Variants in EXOSC2 observed in about 807,000 individuals in gnomAD.
The protein encoded by EXOSC2 is exosome component 2, also known as exosome complex component RRP4.
A neutral mutation model predicts 37.6 loss-of-function variants in EXOSC2; 29 were observed. That is an observed-to-expected ratio of 0.77 (90% CI 0.57 to 1.05). The LOEUF is 1.05. Among genes scored for constraint, EXOSC2 ranks in the 50% least tolerant of loss-of-function variants. The pLI is 0.00. For missense variants in EXOSC2, 346 were observed against 365.6 expected, an observed-to-expected ratio of 0.95 and a Z score of 0.44; for synonymous variants, 119 against 131.1, an observed-to-expected ratio of 0.91 and a Z score of 0.63.
intron 7 of EXOSC2, among the ~76,000 whole-genome samples, chr9:130,702,840 G>T (rs2314064): frequency 3.3e-5 from 5 of 152,020 alleles, no homozygotes; most frequent in Non-Finnish European, 5.9e-5. Flanking sequence ...TGATCCACCC[G>T]CCTCGGCCTC....
At chr9:130,699,834 C>T (rs560407280) in intron 5 of EXOSC2, 1 of 159,798 alleles carries the variant, frequency 6.3e-6, no homozygotes. Flanking sequence ...AGACCCCCCT[C>T]TCTACAAAAA....
rs898948588 is a variant in EXOSC2 at position 130,694,432 on chromosome 9, G to A, written c.122+519G>A. Among the ~76,000 whole-genome samples, 4 of 152,210 alleles carry A rather than the reference G, an allele frequency of 2.6e-5. No homozygotes were observed. Among genetic ancestry groups the A allele is most frequent in the Non-Finnish European group, 5.9e-5 (4 of 68,044 alleles). On this transcript the variant is annotated intron_variant, in intron 1 of 8. Transcript: ENST00000372358. The surrounding 1 kb of genome is among the most constrained non-coding windows in gnomAD (Gnocchi z 4.0). ...AGAGGGAAGGCTCTTGAGTCAGACA[G>A]TTGGGGTTCCGGTCCTGCTACCATC...
rs1487426627 is a variant in EXOSC2 at position 130,703,804 on chromosome 9, A to G, written c.*30A>G. 6.4e-7 allele frequency: 1 copy of G among 1,566,536 alleles called. No individual in the cohort carries two copies. The highest frequency in any genetic ancestry group is 8.8e-7 in the Non-Finnish European group (1 of 1,139,960). On this transcript the variant is annotated 3_prime_UTR_variant, in exon 9 of 9. Transcript: ENST00000372358. ...GTGCTCCAGAAGCACGGGACTGTGG[A>G]CCTTGCAGGAGTGAAGACTGTGATG...
chr9:130,702,259 A>G lies in EXOSC2; in HGVS notation c.621A>G (p.Pro207=), dbSNP rs1272124496. 6.2e-7 allele frequency: 1 copy of G among 1,614,018 alleles called. No homozygotes were observed. The highest frequency in any genetic ancestry group is 1.3e-5 in the African/African-American group (1 of 74,910). Residue 207 remains proline, a synonymous_variant, in exon 7 of 9, where the codon CCA becomes CCG. Transcript: ENST00000372358. The stretch of plus-strand genomic sequence containing the variant: ...ACAACGGCTTCATCTGGATTTACCC[A>G]ACACCTGAGCACAAAGAAGAGGAAG... ...LGNNGFIWIY[P]TPEHKEEEAG...
At chr9:130,696,211 G>A (rs779647538) in intron 2 of EXOSC2, among the ~76,000 whole-genome samples, 21 of 152,174 alleles carry the variant, frequency 1.4e-4, no homozygotes, top group Non-Finnish European at 2.6e-4. Flanking sequence ...AAAGTATTTA[G>A]CACAGAGCCT....
At chr9:130,699,648 C>A in intron 5 of EXOSC2, 1 of 498,866 alleles carries the variant, frequency 2.0e-6, no homozygotes, top group Non-Finnish European at 3.6e-6. Flanking sequence ...TTAGACTAGG[C>A]TTTTGTTAAT....
Position 130,703,836 on chromosome 9 carries a change from C to T in EXOSC2, c.*62C>T. On this transcript the variant is annotated 3_prime_UTR_variant, in exon 9 of 9. Coordinates refer to ENST00000372358, the MANE Select transcript of EXOSC2 (RefSeq NM_014285.7). ...AGGAGTGAAGACTGTGATGTGTGGT[C>T]CCCATATGTGGCTCAGCAAAGACTC... is the stretch of plus-strand genomic sequence containing the variant. The T allele has an allele frequency of 5.2e-6, 7 of 1,344,856 alleles. No individual in the cohort carries two copies. Among genetic ancestry groups the T allele is most frequent in the Non-Finnish European group, 7.3e-6 (7 of 957,584 alleles). The allele number at this position is 1,344,856 out of a possible 1,614,324, so 83.3% of individuals were successfully genotyped here.
In EXOSC2 at chr9:130,704,001, G is replaced by A. The variant is rs142735531; in HGVS notation, c.*227G>A. On this transcript the variant is annotated 3_prime_UTR_variant, in exon 9 of 9. Transcript: ENST00000372358. ...GTTGCCAGCTGAGTCCCGGTATTAG[G>A]GAATAGTTTCAGCTCTTTCAAAGTG... The A allele has an allele frequency of 2.1e-3, 824 of 392,562 alleles. 2 individuals are homozygous for A. Among genetic ancestry groups the A allele is most frequent in the African/African-American group, 0.014 (692 of 48,770 alleles). The allele number at this position is 392,562 out of a possible 1,614,324, so 24.3% of individuals were successfully genotyped here.
intron 2 of EXOSC2, among the ~76,000 whole-genome samples, chr9:130,696,990 T>C (rs182874404): frequency 6.6e-6 from 1 of 151,980 alleles, no homozygotes; most frequent in African/African-American, 2.4e-5. Flanking sequence ...GATGGCAGAG[T>C]TGGGTAGCTA....
chr9:130,704,753 C>G lies in EXOSC2; in HGVS notation c.*979C>G, dbSNP rs1588203191. ...GAAAATAAGCAAAGAAAAATGGAGA[C>G]TGGGAAAGCAAAGCTGTTTTCATCC... On this transcript the variant is annotated 3_prime_UTR_variant, in exon 9 of 9. Transcript: ENST00000372358. The G allele has an allele frequency of 6.6e-6, 1 of 152,214 alleles. No homozygotes were observed. Among genetic ancestry groups the G allele is most frequent in the East Asian group, 1.9e-4 (1 of 5,180 alleles). The allele number at this position is 152,214 out of a possible 1,614,324, so 9.4% of individuals were successfully genotyped here. A position where few individuals can be genotyped will look rare whatever the true frequency, so the allele number is the denominator to read the frequency against.
Position 130,704,142 on chromosome 9 carries a change from A to G in EXOSC2, c.*368A>G, listed in dbSNP as rs1368157806. The G allele has an allele frequency of 1.2e-5, 2 of 164,932 alleles. No individual in the cohort carries two copies. The highest frequency in any genetic ancestry group is 1.3e-4 in the Admixed American group (2 of 15,612). 10.2% of individuals were successfully genotyped at this position (164,932 alleles called of 1,614,324 possible). A position where few individuals can be genotyped will look rare whatever the true frequency, so the allele number is the denominator to read the frequency against. On this transcript the variant is annotated 3_prime_UTR_variant, in exon 9 of 9. Coordinates refer to ENST00000372358, the MANE Select transcript of EXOSC2 (RefSeq NM_014285.7). Reference sequence around the variant, plus strand: ...CCATGAAATTGCCCCAATAGAAAACATGGCATCCCTGACCTCCAAATGGTC... The same window carrying G: ...CCATGAAATTGCCCCAATAGAAAACGTGGCATCCCTGACCTCCAAATGGTC...
intron 1 of EXOSC2, 25 bp downstream of exon 1, chr9:130,693,938 A>C (rs773725040): frequency 6.3e-7 from 1 of 1,577,882 alleles, no homozygotes; most frequent in Non-Finnish European, 8.7e-7. Context: ...GGGGGAGTCG[A>C]GGCTTCAGAG....
chr9:130,700,999 A>T lies in EXOSC2; in HGVS notation c.495+64A>T. ...ACTACAAGGCTATTTTTGAATCCCC[A>T]TAGCTCTCTGGAATTCTGGCCTAAA... is the stretch of plus-strand genomic sequence containing the variant. On this transcript the variant is annotated intron_variant, in intron 6 of 8. Coordinates refer to ENST00000372358, the MANE Select transcript of EXOSC2 (RefSeq NM_014285.7). 2.0e-6 allele frequency: 3 copies of T among 1,532,818 alleles called. No homozygotes were observed. The South Asian group carries it at 3.4e-5, about 17-fold the overall frequency. 95.0% of individuals were successfully genotyped at this position (1,532,818 alleles called of 1,614,324 possible).
At chr9:130,699,497 A>G (rs1588198833) in intron 5 of EXOSC2, 103 bp downstream of exon 5, 1 of 1,163,154 alleles carries the variant, frequency 8.6e-7, no homozygotes, top group Non-Finnish European at 1.3e-6. Context: ...TCATCCTTGC[A>G]GGGATCCGAG....
chr9:130,699,458 C>G, intron 5 of EXOSC2, 64 bp downstream of exon 5: 1 of 1,447,278 alleles, frequency 6.9e-7, no homozygotes, highest in Non-Finnish European at 9.7e-7. Flanking sequence ...ATGGGCCTTC[C>G]ATTGTATGTC....
intron 3 of EXOSC2, chr9:130,697,897 G>A (rs965767247): frequency 3.5e-5 from 19 of 535,808 alleles, no homozygotes; most frequent in East Asian, 2.6e-4. Context: ...AGGTTCAAGC[G>A]ATTCTCCTGC....
chr9:130,694,043 C>T lies in EXOSC2; in HGVS notation c.122+130C>T, dbSNP rs943072819. The T allele has an allele frequency of 5.6e-5, 61 of 1,086,874 alleles. No homozygotes were observed. Among genetic ancestry groups the T allele is most frequent in the Non-Finnish European group, 7.1e-5 (56 of 790,520 alleles). The allele number at this position is 1,086,874 out of a possible 1,614,324, so 67.3% of individuals were successfully genotyped here. A position where few individuals can be genotyped will look rare whatever the true frequency, so the allele number is the denominator to read the frequency against. ...CAGGGCACTTCGTCTGAGCATCCTA[C>T]ACACCTCGCTTCCGAGCCTCGTGCT... is the stretch of plus-strand genomic sequence containing the variant. On this transcript the variant is annotated intron_variant, in intron 1 of 8. Transcript: ENST00000372358. The surrounding 1 kb of genome is among the most constrained non-coding windows in gnomAD (Gnocchi z 4.0).
At chr9:130,699,506 A>C (rs1386887523) in intron 5 of EXOSC2, 112 bp downstream of exon 5, 3 of 1,075,734 alleles carry the variant, frequency 2.8e-6, no homozygotes, top group Non-Finnish European at 4.3e-6. Context: ...CAGGGATCCG[A>C]GTCTTAGACC....
chr9:130,699,653 G>T (rs1397955404), intron 5 of EXOSC2: 1 of 479,590 alleles, frequency 2.1e-6, no homozygotes, highest in Non-Finnish European at 3.8e-6. Flanking sequence ...CTAGGCTTTT[G>T]TTAATGGTGT....
Sources: gnomAD v4.1 joint callset for allele counts (sites outside exome capture counted in the v4.1 genomes callset) on GRCh38, gnomAD v4.1.1 for gene constraint, Gnocchi (gnomAD v3.1) non-coding constraint, MANE v1.5 for transcripts, NCBI Gene and HGNC (gene_info 2026-07-23, HGNC 2026-07-21) for gene names.